FGGY: variants seen among roughly 807,000 people sequenced by gnomAD.
FGGY encodes FGGY carbohydrate kinase domain-containing protein.
Under a neutral mutation model 71.3 loss-of-function variants are expected in FGGY, and 72 were observed. The observed-to-expected ratio is 1.01, with a 90% CI of 0.84 to 1.23. The LOEUF (loss-of-function observed/expected upper bound fraction) is 1.23. FGGY is among the 50% of genes most tolerant of loss of function. FGGY has a pLI of 0.00. For synonymous variants in FGGY, 251 were observed against 250.3 expected (o/e 1.00, Z -0.02); for missense variants, 668 against 682.3 (o/e 0.98, Z 0.23).
At chr1:59,377,600 C>T (rs2058826019) in intron 4 of FGGY, among the ~76,000 whole-genome samples, 2 of 152,266 alleles carry the variant, frequency 1.3e-5, no homozygotes, top group Non-Finnish European at 2.9e-5. Flanking sequence ...AGTGAAGACA[C>T]AGCCAAACCA....
At chr1:59,374,558 A>G (rs2058307693) in intron 4 of FGGY, among the ~76,000 whole-genome samples, 1 of 152,116 alleles carries the variant, frequency 6.6e-6, no homozygotes. Context: ...TACTGGGTAT[A>G]TACCCAAAGG....
intron 14 of FGGY, among the ~76,000 whole-genome samples, chr1:59,714,377 G>A (rs2097826098): frequency 6.6e-6 from 1 of 152,152 alleles, no homozygotes; most frequent in Non-Finnish European, 1.5e-5. Flanking sequence ...AAGACCTAGT[G>A]GTGGGTGAAT....
At chr1:59,759,309 C>T (rs554213575) in intron 15 of FGGY, among the ~76,000 whole-genome samples, 45 of 152,268 alleles carry the variant, frequency 3.0e-4, no homozygotes, top group Non-Finnish European at 4.9e-4. Flanking sequence ...ATAAACCCTT[C>T]TCTAAAGGCC....
At chr1:59,396,077 A>C (rs1214265822) in intron 5 of FGGY, among the ~76,000 whole-genome samples, 1 of 152,070 alleles carries the variant, frequency 6.6e-6, no homozygotes, top group Non-Finnish European at 1.5e-5. Flanking sequence ...CTGTGGCCTC[A>C]CTCCCACCCT....
At chr1:59,374,285 C>A (rs1007469078) in intron 4 of FGGY, among the ~76,000 whole-genome samples, 3 of 152,170 alleles carry the variant, frequency 2.0e-5, no homozygotes, top group African/African-American at 7.2e-5. Flanking sequence ...TTTATGCAGC[C>A]AGAAACCACA....
intron 4 of FGGY, among the ~76,000 whole-genome samples, chr1:59,346,977 A>G (rs191670021): frequency 4.3e-5 from 6 of 139,270 alleles, no homozygotes; most frequent in South Asian, 2.3e-4. Context: ...TTAAGTATCA[A>G]TTTCTCTTTT....
chr1:59,587,280 A>T lies in FGGY; in HGVS notation c.904-20523A>T, dbSNP rs2096316627. 2.0e-5 allele frequency among the ~76,000 whole-genome samples: 3 copies of T among 152,214 alleles called. No homozygotes were observed. In the East Asian group the frequency reaches 5.8e-4, roughly 29 times the overall value. The stretch of plus-strand genomic sequence containing the variant: ...ATTGCCCAGGCTTGCTTAGGTAAGC[A>T]AAGCAGCCTGGAAGCTCGAACTGGG... On this transcript the variant is annotated intron_variant, in intron 8 of 15. Coordinates refer to ENST00000303721, the MANE Select transcript of FGGY (RefSeq NM_018291.5).
Position 59,587,224 on chromosome 1 carries a change from C to T in FGGY, c.904-20579C>T, listed in dbSNP as rs559010806. Among the ~76,000 whole-genome samples, 269 of 152,256 alleles carry T rather than the reference C, an allele frequency of 1.8e-3. 2 individuals carry two copies. Among genetic ancestry groups the T allele is most frequent in the South Asian group, 4.4e-3 (21 of 4,812 alleles). On this transcript the variant is annotated intron_variant, in intron 8 of 15. Transcript: ENST00000303721. ...AGCAGTCTGAGATCAAACTGCAAGG[C>T]GGCAGCAAGGCTGGGGGAGGGGCGC...
chr1:59,297,834 T>C (rs61788312), intron 1 of FGGY, among the ~76,000 whole-genome samples: 2 of 146,718 alleles, frequency 1.4e-5, no homozygotes, highest in East Asian at 2.0e-4. Flanking sequence ...AAAAAAAAAT[T>C]GACAAGGTGC....
At chr1:59,533,728 C>G (rs1344834611) in intron 7 of FGGY, among the ~76,000 whole-genome samples, 1 of 152,222 alleles carries the variant, frequency 6.6e-6, no homozygotes, top group Admixed American at 6.5e-5. Context: ...CACCCCCCAG[C>G]AGGGGCAGAC....
At chr1:59,448,210 C>G (rs765610592) in intron 5 of FGGY, among the ~76,000 whole-genome samples, 4 of 152,166 alleles carry the variant, frequency 2.6e-5, no homozygotes, top group African/African-American at 9.7e-5. Context: ...GGGTTTTTGC[C>G]TCTTTGAAAC....
chr1:59,457,173 C>A, intron 6 of FGGY, 97 bp downstream of exon 6: 1 of 837,958 alleles, frequency 1.2e-6, no homozygotes. Context: ...TTTTTGTATG[C>A]ATGAAAATAC....
chr1:59,625,486 T>C (rs1009474139), intron 9 of FGGY, among the ~76,000 whole-genome samples: 3 of 152,132 alleles, frequency 2.0e-5, no homozygotes, highest in Admixed American at 2.0e-4. Context: ...TTTCAAAAAA[T>C]TTTTTTAATG....
intron 13 of FGGY, 120 bp from the exon 14 acceptor site, chr1:59,673,919 T>A: frequency 1.4e-6 from 1 of 714,836 alleles, no homozygotes. Context: ...CTGCAGGGAG[T>A]CGGGCGGGGG....
At chr1:59,615,650 T>G (rs2096744354) in intron 9 of FGGY, among the ~76,000 whole-genome samples, 1 of 152,054 alleles carries the variant, frequency 6.6e-6, no homozygotes, top group African/African-American at 2.4e-5. Flanking sequence ...ACAAATGAGA[T>G]CTCATTAAAC....
chr1:59,299,961 T>C (rs2042510649), intron 1 of FGGY, among the ~76,000 whole-genome samples: 1 of 152,220 alleles, frequency 6.6e-6, no homozygotes, highest in Non-Finnish European at 1.5e-5. Context: ...ATGAGGACGT[T>C]AAATTTAAAA....
intron 5 of FGGY, among the ~76,000 whole-genome samples, chr1:59,430,701 G>A (rs916755187): frequency 6.6e-6 from 1 of 152,090 alleles, no homozygotes; most frequent in Non-Finnish European, 1.5e-5. Flanking sequence ...CCATTTGCTA[G>A]TAGAGGTTTA....
At chr1:59,522,600 T>A (rs543747812) in intron 7 of FGGY, among the ~76,000 whole-genome samples, 3 of 152,336 alleles carry the variant, frequency 2.0e-5, no homozygotes, top group African/African-American at 7.2e-5. Context: ...TAATTTTGTT[T>A]ACTAAATTTG....
At chr1:59,727,350 C>T (rs2100814222) in intron 14 of FGGY, among the ~76,000 whole-genome samples, 1 of 152,240 alleles carries the variant, frequency 6.6e-6, no homozygotes, top group East Asian at 1.9e-4. Flanking sequence ...TGGCAATGAA[C>T]ATGCGAGTGC....
Sources: allele counts gnomAD v4.1 joint callset (sites outside exome capture counted in the v4.1 genomes callset), GRCh38; gene constraint gnomAD v4.1.1; transcripts MANE v1.5; gene names NCBI Gene and HGNC (gene_info 2026-07-23, HGNC 2026-07-21).